ARL8B: variants seen among roughly 807,000 people sequenced by gnomAD.
The protein encoded by ARL8B is ADP-ribosylation factor-like protein 8B.
A neutral mutation model predicts 30.6 loss-of-function variants in ARL8B; 9 were observed. The ratio of observed to expected loss-of-function variants is 0.29; its 90% CI spans 0.18 to 0.51. The LOEUF is 0.51. ARL8B is among the 20% of genes least tolerant of loss of function. The pLI is 0.97. For missense variants in ARL8B, 130 were observed against 227.2 expected (o/e 0.57, Z 2.75); for synonymous variants, 74 against 76.0 (o/e 0.97, Z 0.14).
intron 5 of ARL8B, 117 bp downstream of exon 5, chr3:5,174,201 A>G: frequency 2.6e-6 from 3 of 1,138,144 alleles, no homozygotes; most frequent in South Asian, 2.7e-5. Context: ...AAGTTGGCCT[A>G]TCAGAGAAGT....
intron 1 of ARL8B, among the ~76,000 whole-genome samples, chr3:5,160,729 CAATT>C (rs1229634684): frequency 6.6e-6 from 1 of 151,978 alleles, no homozygotes; most frequent in African/African-American, 2.4e-5. Flanking sequence ...GTAATAAAAA[CAATT>C]AATTTTCTAG....
At chr3:5,168,359 C>G (rs1482263710) in intron 1 of ARL8B, among the ~76,000 whole-genome samples, 1 of 152,246 alleles carries the variant, frequency 6.6e-6, no homozygotes, top group African/African-American at 2.4e-5. Context: ...GCTTGAGCCA[C>G]TATGCCTGGC....
chr3:5,158,543 G>C (rs964870584), intron 1 of ARL8B, among the ~76,000 whole-genome samples: 24 of 152,276 alleles, frequency 1.6e-4, no homozygotes, highest in African/African-American at 5.8e-4. Flanking sequence ...CAAAGTTAAG[G>C]AATGTGTAAG....
At chr3:5,128,162 CAAAA>C (rs35084667) in intron 1 of ARL8B, among the ~76,000 whole-genome samples, 292 of 53,170 alleles carry the variant, frequency 5.5e-3, no homozygotes, top group Non-Finnish European at 0.01. Flanking sequence ...AAATCCGTCT[CAAAA>C]AAAAAAAAAA....
At chr3:5,147,208 C>T (rs910440537) in intron 1 of ARL8B, among the ~76,000 whole-genome samples, 7 of 152,074 alleles carry the variant, frequency 4.6e-5, no homozygotes, top group African/African-American at 1.7e-4. Context: ...TGTGATGTTC[C>T]CCACCCTGTG....
At chr3:5,124,238 G>C (rs1202915633) in intron 1 of ARL8B, among the ~76,000 whole-genome samples, 2 of 145,784 alleles carry the variant, frequency 1.4e-5, no homozygotes. Context: ...AGAGTGGAAT[G>C]TGTATCTAAT....
chr3:5,131,746 T>C (rs1427615346), intron 1 of ARL8B, among the ~76,000 whole-genome samples: 1 of 152,228 alleles, frequency 6.6e-6, no homozygotes, highest in Non-Finnish European at 1.5e-5. Flanking sequence ...AACCCTTATA[T>C]GAATATTTTG....
rs182868875 is a variant in ARL8B, at chr3:5,143,121, A to G, written c.123+20533A>G. ...TATCTCTGAGTTTCAAAATTCCCAC[A>G]AGGTGAGACCTGGCAGGCATCGAAT... On this transcript the variant is annotated intron_variant, in intron 1 of 6. Coordinates refer to ENST00000256496, the MANE Select transcript of ARL8B (RefSeq NM_018184.3). Among the ~76,000 whole-genome samples the G allele has an allele frequency of 1.9e-3, 294 of 152,298 alleles. 1 individual carries two copies. The highest frequency in any genetic ancestry group is 6.7e-3 in the African/African-American group (279 of 41,566).
chr3:5,153,138 A>G (rs182300916), intron 1 of ARL8B, among the ~76,000 whole-genome samples: 2 of 152,308 alleles, frequency 1.3e-5, no homozygotes, highest in African/African-American at 4.8e-5. Context: ...CACTTAATGT[A>G]GAATGTAGAA....
chr3:5,173,981 A>G (rs1002650593), intron 4 of ARL8B, 36 bp from the exon 5 acceptor site: 2 of 1,479,158 alleles, frequency 1.4e-6, no homozygotes, highest in Admixed American at 3.4e-5. Flanking sequence ...TTTTTCTTGC[A>G]TAAACGTGTG....
chr3:5,154,308 T>A (rs549582798), intron 1 of ARL8B, among the ~76,000 whole-genome samples: 10 of 151,826 alleles, frequency 6.6e-5, no homozygotes, highest in South Asian at 6.2e-4. Context: ...GTTCATTTTT[T>A]AAAAAAAAAT....
At chr3:5,133,177 G>A (rs1269323479) in intron 1 of ARL8B, among the ~76,000 whole-genome samples, 2 of 151,658 alleles carry the variant, frequency 1.3e-5, no homozygotes, top group Non-Finnish European at 2.9e-5. Flanking sequence ...TGTTGGTTTA[G>A]GCATAACCTT....
At chr3:5,152,630 C>A (rs1053749822) in intron 1 of ARL8B, among the ~76,000 whole-genome samples, 1 of 152,170 alleles carries the variant, frequency 6.6e-6, no homozygotes, top group Admixed American at 6.6e-5. Flanking sequence ...GGACTAAGGG[C>A]GCGTGCCGCC....
At chr3:5,158,082 T>C (rs1404435314) in intron 1 of ARL8B, among the ~76,000 whole-genome samples, 1 of 152,118 alleles carries the variant, frequency 6.6e-6, no homozygotes, top group Non-Finnish European at 1.5e-5. Context: ...TTCAAATGAT[T>C]GTCCTGCCTC....
At chr3:5,174,599 C>G (rs2106573299) in intron 6 of ARL8B, among the ~76,000 whole-genome samples, 185 bp downstream of exon 6, 1 of 149,924 alleles carries the variant, frequency 6.7e-6, no homozygotes, top group Non-Finnish European at 1.5e-5. Flanking sequence ...CACTTAACAT[C>G]ATTGATGGCT....
intron 1 of ARL8B, among the ~76,000 whole-genome samples, chr3:5,125,599 C>G (rs1468418600): frequency 6.6e-6 from 1 of 150,416 alleles, no homozygotes; most frequent in Non-Finnish European, 1.5e-5. Flanking sequence ...GTGGCATGAT[C>G]TTGGCTCACT....
intron 1 of ARL8B, among the ~76,000 whole-genome samples, chr3:5,129,669 C>T (rs1300525111): frequency 6.6e-6 from 1 of 152,052 alleles, no homozygotes; most frequent in Non-Finnish European, 1.5e-5. Flanking sequence ...ACCATAGCCT[C>T]CCAAGTAGTA....
intron 1 of ARL8B, among the ~76,000 whole-genome samples, chr3:5,162,140 G>C (rs934687294): frequency 6.6e-6 from 1 of 152,222 alleles, no homozygotes; most frequent in African/African-American, 2.4e-5. Context: ...CATTTGTGTA[G>C]CAGTCTTTTA....
chr3:5,131,608 C>A (rs1362630536), intron 1 of ARL8B, among the ~76,000 whole-genome samples: 1 of 151,802 alleles, frequency 6.6e-6, no homozygotes, highest in African/African-American at 2.4e-5. Flanking sequence ...CCACACTGGT[C>A]TTGAACTCCT....
Sources: gnomAD v4.1 joint callset for allele counts (sites outside exome capture counted in the v4.1 genomes callset) on GRCh38, gnomAD v4.1.1 for gene constraint, MANE v1.5 for transcripts, NCBI Gene and HGNC (gene_info 2026-07-23, HGNC 2026-07-21) for gene names.